Variants in HIRIP3 observed in about 807,000 individuals in gnomAD.
The protein encoded by HIRIP3 is HIRA interacting protein 3.
In HIRIP3, 40 loss-of-function variants were observed where a neutral mutation model predicts 50.3. That is an observed-to-expected ratio of 0.79 (90% CI 0.62 to 1.03). The LOEUF (loss-of-function observed/expected upper bound fraction) is 1.03, where lower values mean the gene tolerates loss of function less well. Ranked by LOEUF, HIRIP3 falls within the 50% of genes least tolerant of loss-of-function variation. The pLI, the probability that HIRIP3 is intolerant of heterozygous loss-of-function variation, is 0.00. For missense variants in HIRIP3, 765 were observed against 705.4 expected (o/e 1.08, Z -0.96); for synonymous variants, 318 against 261.6 (o/e 1.22, Z -2.08).
chr16:29,993,633 G>T lies in HIRIP3; in HGVS notation c.1408+7C>A. On this transcript the variant is annotated splice_region_variant and intron_variant, in intron 5 of 6. Coordinates refer to ENST00000279392, the MANE Select transcript of HIRIP3 (RefSeq NM_003609.5). ...TCCTGCAGCCCCCAGGGCACGCCGG[G>T]CCTCACCCTTCATGCCTAGCGCTTC... 3 of 1,612,366 alleles carry T rather than the reference G, an allele frequency of 1.9e-6. No individual in the cohort carries two copies. Among genetic ancestry groups the T allele is most frequent in the Non-Finnish European group, 2.5e-6 (3 of 1,179,720 alleles).
Position 29,994,025 on chromosome 16 carries a change from C to T in HIRIP3, c.1120G>A (p.Ala374Thr), listed in dbSNP as rs1294743492. The stretch of plus-strand genomic sequence containing the variant: ...CTCTCCCCCTGGGGGCCTCCCCCTG[C>T]CTCGCTGTCACTTACCTCCCTCTCC... ...DLEREVSDSE[A>T]GGGPQGERKN... The change falls in exon 4 of 7, where the codon GCA becomes ACA. Residue 374 changes from alanine (A) to threonine (T), a missense_variant. Coordinates refer to ENST00000279392, the MANE Select transcript of HIRIP3 (RefSeq NM_003609.5). The T allele has an allele frequency of 6.2e-7, 1 of 1,609,276 alleles. No individual in the cohort carries two copies. The highest frequency in any genetic ancestry group is 8.5e-7 in the Non-Finnish European group (1 of 1,177,330).
chr16:29,995,263 A>G (rs755291709), intron 2 of HIRIP3, 46 bp from the exon 3 acceptor site: 16 of 1,612,880 alleles, frequency 9.9e-6, no homozygotes, highest in Non-Finnish European at 1.3e-5. Flanking sequence ...GGCTGCGCTC[A>G]CCGCGCCCCG....
At position 29,993,774 on chromosome 16, in the gene HIRIP3, G is replaced by A; in HGVS notation, c.1274C>T (p.Ala425Val). The change falls in exon 5 of 7, where the codon GCT becomes GTT. Residue 425 changes from alanine (A) to valine (V), a missense_variant. Physicochemically the swap from Ala to Val is moderately conservative, Grantham distance 64. Transcript: ENST00000279392. ...GSGRRGEDHP[A>V]VMRLKRYIRA... ...AATGTAGCGCTTCAGCCTCATCACA[G>A]CCGGGTGGTCCTCTCCACGGCGACC... 6.2e-7 allele frequency: 1 copy of A among 1,611,074 alleles called. No homozygotes were observed. Among genetic ancestry groups the A allele is most frequent in the Non-Finnish European group, 8.5e-7 (1 of 1,179,984 alleles).
chr16:29,993,991 C>T lies in HIRIP3; in HGVS notation c.1154G>A (p.Arg385His). Residue 385 changes from arginine (R) to histidine (H), a missense_variant, in exon 4 of 7, where the codon CGC (arginine) becomes CAC (histidine). Coordinates refer to ENST00000279392, the MANE Select transcript of HIRIP3 (RefSeq NM_003609.5). ...GGGPQGERKN[R>H]SSKKSSRKGR... ...TTTCCTGGAGCTCTTCTTGGAAGAG[C>T]GGTTCTTCCTCTCCCCCTGGGGGCC... 2 of 1,581,468 alleles carry T rather than the reference C, an allele frequency of 1.3e-6. No homozygotes were observed. Among genetic ancestry groups the T allele is most frequent in the Non-Finnish European group, 8.6e-7 (1 of 1,164,924 alleles).
In HIRIP3 at chr16:29,993,143, A is replaced by G. The variant is rs1036746800; in HGVS notation, c.*64T>C. 1.9e-5 allele frequency: 28 copies of G among 1,447,250 alleles called. No homozygotes were observed. In the African/African-American group the frequency reaches 3.1e-4, roughly 16 times the overall value. 89.7% of individuals were successfully genotyped at this position (1,447,250 alleles called of 1,614,324 possible). A position where few individuals can be genotyped will look rare whatever the true frequency, so the allele number is the denominator to read the frequency against. ...GAAGCTGCTTCTGTTCCACAGACAC[A>G]GGGCAAGGGGTGCTATGTATGCTTT... On this transcript the variant is annotated 3_prime_UTR_variant, in exon 7 of 7. Transcript: ENST00000279392.
At position 29,995,538 on chromosome 16, in the gene HIRIP3, C is replaced by T. The variant is rs768868878; in HGVS notation, c.65+3G>A. On this transcript the variant is annotated splice_donor_region_variant and intron_variant, in intron 1 of 6. Coordinates refer to ENST00000279392, the MANE Select transcript of HIRIP3 (RefSeq NM_003609.5). Reference sequence around the variant, plus strand: ...CCAACCCCATCTCCAACCCCCTGGGCACCTGAGGTCCGGGCGGCCTCGGAA... The same window carrying T: ...CCAACCCCATCTCCAACCCCCTGGGTACCTGAGGTCCGGGCGGCCTCGGAA... 29 of 1,613,366 alleles carry T rather than the reference C, an allele frequency of 1.8e-5. No homozygotes were observed. The highest frequency in any genetic ancestry group is 2.5e-5 in the Non-Finnish European group (29 of 1,180,026).
chr16:29,995,152 G>A lies in HIRIP3; in HGVS notation c.252C>T (p.Thr84=), dbSNP rs763199720. 6.2e-7 allele frequency: 1 copy of A among 1,614,128 alleles called. No homozygotes were observed. Among genetic ancestry groups the A allele is most frequent in the African/African-American group, 1.3e-5 (1 of 74,942 alleles). Residue 84 remains threonine (T), a synonymous_variant, in exon 3 of 7, where the codon ACC becomes ACT. Coordinates refer to ENST00000279392, the MANE Select transcript of HIRIP3 (RefSeq NM_003609.5). The part of the protein sequence containing the change: ...DLTKKGKRPP[T]PCSDPERKRF... ...TTTTTCTCTCCGGGTCGCTACAAGG[G>A]GTGGGAGGCCTCTTGCCCTTCTTGG...
Position 29,993,758 on chromosome 16 carries a change from C to T in HIRIP3, c.1290G>A (p.Lys430=), listed in dbSNP as rs2070018107. 1.2e-6 allele frequency: 2 copies of T among 1,610,002 alleles called. No homozygotes were observed. Among genetic ancestry groups the T allele is most frequent in the African/African-American group, 2.7e-5 (2 of 74,946 alleles). The change falls in exon 5 of 7, where the codon AAG becomes AAA. Residue 430 remains lysine (K), a synonymous_variant. Coordinates refer to ENST00000279392, the MANE Select transcript of HIRIP3 (RefSeq NM_003609.5). ...GGGCACCACAGGCCCGAATGTAGCG[C>T]TTCAGCCTCATCACAGCCGGGTGGT... ...GEDHPAVMRL[K]RYIRACGAHR... is the part of the protein sequence containing the mutation.
At chr16:29,995,819 G>A, upstream of HIRIP3, 2 of 621,034 alleles carry the variant, frequency 3.2e-6, no homozygotes, top group South Asian at 4.0e-5. Context: ...CCCTTTTTTG[G>A]AACGGATCAT....
At position 29,994,379 on chromosome 16, in the gene HIRIP3, C is replaced by G; in HGVS notation, c.766G>C (p.Asp256His). The change falls in exon 4 of 7, where the codon GAT becomes CAT. Residue 256 changes from aspartate to histidine, a missense_variant. Coordinates refer to ENST00000279392, the MANE Select transcript of HIRIP3 (RefSeq NM_003609.5). ...TTGCTCCTGGTTCTGGGTTTCCAATCCCCCTTTTCCTCATCCTCTTCTTTC... is the reference window on the plus strand; with the variant it reads ...TTGCTCCTGGTTCTGGGTTTCCAATGCCCCTTTTCCTCATCCTCTTCTTTC... ...EEKEEDEEKGDWKPRTRSNGR... is the reference protein window; with the variant it reads ...EEKEEDEEKGHWKPRTRSNGR... 2 of 1,614,078 alleles carry G rather than the reference C, an allele frequency of 1.2e-6. No homozygotes were observed. The highest frequency in any genetic ancestry group is 2.7e-5 in the African/African-American group (2 of 75,016).
chr16:29,995,713 G>A (rs1380149504), upstream of HIRIP3: 1 of 1,408,982 alleles, frequency 7.1e-7, no homozygotes, highest in Non-Finnish European at 9.8e-7. Context: ...CGTGGGGCGA[G>A]GGACCGTTGG....
In HIRIP3 at chr16:29,995,214, C is replaced by A; in HGVS notation, c.190G>T (p.Asp64Tyr). The A allele has an allele frequency of 6.2e-7, 1 of 1,614,244 alleles. No homozygotes were observed. Among genetic ancestry groups the A allele is most frequent in the South Asian group, 1.1e-5 (1 of 91,090 alleles). ...VEEELLKMQV[D>Y]EAASREDKLD... ...TTGTCTTCCCTGGAAGCGGCTTCAT[C>A]CACCTGTGTGTGCGCCAAGAGGGCA... The change falls in exon 3 of 7, where the codon GAT becomes TAT. Residue 64 changes from aspartate (D) to tyrosine (Y), a missense_variant. Physicochemically the swap from Asp to Tyr is radical, Grantham distance 160 (BLOSUM62 -3). Coordinates refer to ENST00000279392, the MANE Select transcript of HIRIP3 (RefSeq NM_003609.5).
chr16:29,993,305 G>A lies in HIRIP3; in HGVS notation c.1573C>T (p.Arg525Ter), dbSNP rs373634722. Residue 525 changes from arginine (R) to a stop codon, truncating the protein, a stop_gained, in exon 7 of 7, where the codon CGA (arginine) becomes TGA (stop). Transcript: ENST00000279392. LOFTEE classifies it high-confidence loss of function. Reference sequence around the variant, plus strand: ...TCTTCATCTGAGTCCAGGGTCCGTCGGTACAGCTCCCCTGGGGGTGCTGCT... The same window carrying A: ...TCTTCATCTGAGTCCAGGGTCCGTCAGTACAGCTCCCCTGGGGGTGCTGCT... Reference protein sequence around the residue: ...GEAAPPGELYRRTLDSDEERP... With the variant: ...GEAAPPGELY 37 of 1,541,552 alleles carry A rather than the reference G, an allele frequency of 2.4e-5. No individual in the cohort carries two copies. The highest frequency in any genetic ancestry group is 6.9e-5 in the African/African-American group (5 of 72,540).
chr16:29,995,730 G>C (rs2070083796), upstream of HIRIP3: 1 of 1,217,472 alleles, frequency 8.2e-7, no homozygotes, highest in Non-Finnish European at 1.2e-6. Flanking sequence ...TTGGCCCTTG[G>C]CCGCGGACCG....
At chr16:29,995,633 C>T, upstream of HIRIP3, 1 of 1,610,676 alleles carries the variant, frequency 6.2e-7, no homozygotes, top group East Asian at 2.2e-5. Flanking sequence ...TGACGGCTCC[C>T]GCCTTTTTTT....
At position 29,994,348 on chromosome 16, in the gene HIRIP3, C is replaced by T. The variant is rs202044584; in HGVS notation, c.797G>A (p.Arg266Gln). ...DWKPRTRSNG[R>Q]RKSAREERSC... The stretch of plus-strand genomic sequence containing the variant: ...CCTCTCCTCCCTAGCTGACTTTCTC[C>T]GGCCATTGCTCCTGGTTCTGGGTTT... Residue 266 changes from arginine (R) to glutamine (Q), a missense_variant, in exon 4 of 7, where the codon CGG becomes CAG. Transcript: ENST00000279392. 21 of 1,614,130 alleles carry T rather than the reference C, an allele frequency of 1.3e-5. No homozygotes were observed. In the African/African-American group the frequency reaches 1.3e-4, roughly 10 times the overall value.
rs367780583 is a variant in HIRIP3, at chr16:29,993,240, A to G, written c.1638T>C (p.Arg546=). ...TCTCGCCATCACTGCTGATGATGCCACGCATATGTGACCAGTCTGGGGGTG... is the reference window on the plus strand; with the variant it reads ...TCTCGCCATCACTGCTGATGATGCCGCGCATATGTGACCAGTCTGGGGGTG... ...RPAPPDWSHM[R]GIISSDGESN is the part of the protein sequence containing the mutation. The change falls in exon 7 of 7, where the codon CGT becomes CGC. Residue 546 remains arginine (R), a synonymous_variant. Coordinates refer to ENST00000279392, the MANE Select transcript of HIRIP3 (RefSeq NM_003609.5). 1.9e-6 allele frequency: 3 copies of G among 1,589,842 alleles called. No individual in the cohort carries two copies. The highest frequency in any genetic ancestry group is 2.6e-6 in the Non-Finnish European group (3 of 1,167,674).
upstream of HIRIP3, chr16:29,995,712 A>G (rs187781939): frequency 8.0e-5 from 114 of 1,424,906 alleles, no homozygotes; most frequent in African/African-American, 1.5e-3. Context: ...ACGTGGGGCG[A>G]GGGACCGTTG....
Position 29,994,518 on chromosome 16 carries a change from C to T in HIRIP3, c.627G>A (p.Lys209=). ...SEAEPVQRTA[K]KVEGNKGTKS... ...TAGTTCCTTTATTTCCCTCCACCTT[C>T]TTTGCTGTCCTCTGAACGGGTTCTG... is the stretch of plus-strand genomic sequence containing the variant. Residue 209 remains lysine (K), a synonymous_variant, in exon 4 of 7, where the codon AAG becomes AAA. Coordinates refer to ENST00000279392, the MANE Select transcript of HIRIP3 (RefSeq NM_003609.5). 3.7e-6 allele frequency: 6 copies of T among 1,614,206 alleles called. No individual in the cohort carries two copies. The highest frequency in any genetic ancestry group is 5.1e-6 in the Non-Finnish European group (6 of 1,180,044).
Sources: gnomAD v4.1 joint callset for allele counts on GRCh38, gnomAD v4.1.1 for gene constraint, MANE v1.5 for transcripts, NCBI Gene and HGNC (gene_info 2026-07-23, HGNC 2026-07-21) for gene names.